Variants in MARCHF1 observed in about 807,000 individuals in gnomAD.
MARCHF1 encodes membrane associated ring-CH-type finger 1.
In MARCHF1, 40 loss-of-function variants were observed where a neutral mutation model predicts 54.2. The observed-to-expected ratio is 0.74, with a 90% CI of 0.57 to 0.96. MARCHF1 has a LOEUF of 0.96. MARCHF1 is among the 40% of genes least tolerant of loss of function. MARCHF1 has a pLI of 0.00. For synonymous variants in MARCHF1, 236 were observed against 236.3 expected, an observed-to-expected ratio of 1.00 and a Z score of 0.01; for missense variants, 586 against 656.5, an observed-to-expected ratio of 0.89 and a Z score of 1.17.
At chr4:163,795,445 G>A (rs1216809927) in intron 4 of MARCHF1, among the ~76,000 whole-genome samples, 2 of 152,144 alleles carry the variant, frequency 1.3e-5, no homozygotes, top group Non-Finnish European at 2.9e-5. Context: ...GGCCAGGCTG[G>A]TCTCGAACTC....
chr4:163,868,122 A>G (rs1750094701), intron 3 of MARCHF1, among the ~76,000 whole-genome samples: 1 of 151,858 alleles, frequency 6.6e-6, no homozygotes, highest in Non-Finnish European at 1.5e-5. Context: ...GATGGGTGCA[A>G]TTTCAAATGG....
intron 1 of MARCHF1, among the ~76,000 whole-genome samples, chr4:164,254,105 T>A (rs916795248): frequency 6.6e-6 from 1 of 152,226 alleles, no homozygotes; most frequent in South Asian, 2.1e-4. Flanking sequence ...AGTCTATATT[T>A]GTTATGAATT....
At chr4:163,679,835 C>G (rs890020471) in intron 5 of MARCHF1, among the ~76,000 whole-genome samples, 1 of 151,954 alleles carries the variant, frequency 6.6e-6, no homozygotes, top group African/African-American at 2.4e-5. Context: ...CTCCTGACCT[C>G]GTGATCCGCC....
chr4:164,366,137 T>C (rs1730874096), intron 1 of MARCHF1, among the ~76,000 whole-genome samples: 1 of 152,014 alleles, frequency 6.6e-6, no homozygotes, highest in Non-Finnish European at 1.5e-5. Context: ...TGTGTTAAAA[T>C]CCTGACAATA....
At chr4:164,293,763 G>A (rs1046331461) in intron 1 of MARCHF1, among the ~76,000 whole-genome samples, 2 of 152,216 alleles carry the variant, frequency 1.3e-5, no homozygotes, top group Admixed American at 1.3e-4. Context: ...TGCTGTGCCT[G>A]TAGGCATGAA....
intron 4 of MARCHF1, among the ~76,000 whole-genome samples, chr4:163,816,095 G>C (rs771215557): frequency 4.6e-5 from 7 of 152,096 alleles, no homozygotes; most frequent in Non-Finnish European, 8.8e-5. Context: ...TCTACTAAAT[G>C]AACAATAAAA....
chr4:164,259,858 G>A (rs1733413755), intron 1 of MARCHF1, among the ~76,000 whole-genome samples: 4 of 152,156 alleles, frequency 2.6e-5, no homozygotes, highest in Admixed American at 1.3e-4. Flanking sequence ...TTGTCTTTCT[G>A]CAATTTGCAT....
At chr4:163,935,637 T>C (rs1010848094) in intron 3 of MARCHF1, among the ~76,000 whole-genome samples, 2 of 151,940 alleles carry the variant, frequency 1.3e-5, no homozygotes, top group Non-Finnish European at 2.9e-5. Context: ...TTGTAGATAA[T>C]TGATCTTCTA....
chr4:164,262,333 C>T (rs1167869333), intron 1 of MARCHF1, among the ~76,000 whole-genome samples: 4 of 152,092 alleles, frequency 2.6e-5, no homozygotes, highest in Non-Finnish European at 5.9e-5. Flanking sequence ...TTCCCCACAA[C>T]ACCAAACAAG....
At chr4:164,276,192 T>G (rs1322520858) in intron 1 of MARCHF1, among the ~76,000 whole-genome samples, 1 of 152,200 alleles carries the variant, frequency 6.6e-6, no homozygotes, top group Non-Finnish European at 1.5e-5. Context: ...CTTAAATTAC[T>G]AAACCCAAAA....
intron 5 of MARCHF1, among the ~76,000 whole-genome samples, chr4:163,662,709 G>C (rs1050597480): frequency 6.6e-6 from 1 of 151,874 alleles, no homozygotes; most frequent in Non-Finnish European, 1.5e-5. Flanking sequence ...GCTAGTGGTG[G>C]CTTTCCCTCT....
intron 1 of MARCHF1, among the ~76,000 whole-genome samples, chr4:164,172,281 C>T (rs1344349354): frequency 6.6e-6 from 1 of 152,092 alleles, no homozygotes; most frequent in Non-Finnish European, 1.5e-5. Context: ...AGATTATAAT[C>T]ACTTTATAGG....
In MARCHF1 at chr4:163,873,072, A is replaced by AC. The variant is rs558520612; in HGVS notation, c.-38-18904_-38-18903insG. ...AAAAAAACAAACAAACAAACAAAAA[A>AC]AAACAAACAAACAAACAAAAAAAAT... On this transcript the variant is annotated intron_variant, in intron 3 of 9. Transcript: ENST00000514618. Among the ~76,000 whole-genome samples, 968 of 151,152 alleles carry AC rather than the reference A, an allele frequency of 6.4e-3. 7 individuals carry two copies. The highest frequency in any genetic ancestry group is 0.019 in the East Asian group (96 of 5,114).
intron 5 of MARCHF1, among the ~76,000 whole-genome samples, chr4:163,635,485 A>G (rs1240244092): frequency 6.7e-6 from 1 of 148,418 alleles, no homozygotes; most frequent in Admixed American, 6.8e-5. Context: ...AATAAACTAG[A>G]AAATCTAGAA....
At chr4:164,148,535 A>C (rs1259721358) in intron 1 of MARCHF1, among the ~76,000 whole-genome samples, 1 of 151,980 alleles carries the variant, frequency 6.6e-6, no homozygotes, top group East Asian at 1.9e-4. Flanking sequence ...TCAGTCTGTA[A>C]AAATCTTTAG....
chr4:163,800,244 T>C (rs972247390), intron 4 of MARCHF1, among the ~76,000 whole-genome samples: 3 of 152,040 alleles, frequency 2.0e-5, no homozygotes, highest in African/African-American at 4.8e-5. Flanking sequence ...GCCAAACCTA[T>C]ACATGTACTC....
At chr4:163,597,944 C>T (rs963004605) in intron 7 of MARCHF1, among the ~76,000 whole-genome samples, 1 of 152,180 alleles carries the variant, frequency 6.6e-6, no homozygotes, top group African/African-American at 2.4e-5. Context: ...TCCCAATACA[C>T]TTAGTCATTG....
intron 1 of MARCHF1, among the ~76,000 whole-genome samples, chr4:164,329,471 C>T (rs1213385916): frequency 6.6e-6 from 1 of 152,154 alleles, no homozygotes; most frequent in East Asian, 1.9e-4. Flanking sequence ...TATATCAATG[C>T]TCAAATTACA....
intron 1 of MARCHF1, among the ~76,000 whole-genome samples, chr4:164,380,526 C>T (rs1283010437): frequency 6.6e-6 from 1 of 152,156 alleles, no homozygotes; most frequent in African/African-American, 2.4e-5. Flanking sequence ...ATCACTGAAA[C>T]ACTAGGAGGT....
Sources: gnomAD v4.1 joint callset for allele counts (sites outside exome capture counted in the v4.1 genomes callset) on GRCh38, gnomAD v4.1.1 for gene constraint, MANE v1.5 for transcripts, NCBI Gene and HGNC (gene_info 2026-07-23, HGNC 2026-07-21) for gene names.